Variants in TRIQK observed in about 807,000 individuals in gnomAD.
TRIQK encodes triple QxxK/R motif-containing protein.
In TRIQK, 10 loss-of-function variants were observed where a neutral mutation model predicts 10.8. The ratio of observed to expected loss-of-function variants is 0.92; its 90% CI spans 0.57 to 1.57. The LOEUF (loss-of-function observed/expected upper bound fraction) is 1.57, where lower values mean the gene tolerates loss of function less well. Among genes scored for constraint, TRIQK ranks in the 40% most tolerant of loss-of-function variants. The probability of loss-of-function intolerance (pLI) is 0.00; values close to 1 mark genes in which losing one functional copy is unlikely to be tolerated. For synonymous variants in TRIQK, 33 were observed against 33.7 expected (o/e 0.98, Z 0.07); for missense variants, 107 against 97.7 (o/e 1.09, Z -0.40).
intron 3 of TRIQK, among the ~76,000 whole-genome samples, chr8:92,897,148 A>T (rs369430926): frequency 6.6e-6 from 1 of 152,100 alleles, no homozygotes; most frequent in East Asian, 1.9e-4. Flanking sequence ...AGATAATTTG[A>T]TTAATTTCAC....
chr8:92,932,245 C>G (rs1810765162), intron 2 of TRIQK, among the ~76,000 whole-genome samples: 1 of 152,154 alleles, frequency 6.6e-6, no homozygotes, highest in Admixed American at 6.6e-5. Flanking sequence ...ACCTCATTCC[C>G]TCAAATATAT....
At chr8:92,955,921 A>G (rs1019963542) in intron 1 of TRIQK, among the ~76,000 whole-genome samples, 1 of 151,674 alleles carries the variant, frequency 6.6e-6, no homozygotes, top group East Asian at 1.9e-4. Flanking sequence ...GCAAGTGGAG[A>G]TAAGGAATGT....
At chr8:93,005,505 T>A (rs909369491) in intron 1 of TRIQK, among the ~76,000 whole-genome samples, 10 of 152,112 alleles carry the variant, frequency 6.6e-5, no homozygotes, top group African/African-American at 1.9e-4. Flanking sequence ...CAAGCATGGT[T>A]CAATATACAC....
chr8:92,899,478 C>G (rs1031213381), intron 3 of TRIQK, among the ~76,000 whole-genome samples: 1 of 152,010 alleles, frequency 6.6e-6, no homozygotes, highest in Non-Finnish European at 1.5e-5. Context: ...TTTTAGCTCC[C>G]ACAAATAAGT....
chr8:92,923,934 C>A (rs565860177), intron 2 of TRIQK, among the ~76,000 whole-genome samples: 1 of 152,042 alleles, frequency 6.6e-6, no homozygotes, highest in African/African-American at 2.4e-5. Flanking sequence ...CTGAAGCCTT[C>A]ACATATGTCT....
At chr8:92,903,602 T>C (rs1386094936) in intron 3 of TRIQK, among the ~76,000 whole-genome samples, 2 of 152,148 alleles carry the variant, frequency 1.3e-5, no homozygotes, top group Non-Finnish European at 2.9e-5. Flanking sequence ...TGTGATTCTG[T>C]TGCAGAATAA....
At chr8:93,002,230 GC>G (rs1468760326) in intron 1 of TRIQK, among the ~76,000 whole-genome samples, 1 of 151,816 alleles carries the variant, frequency 6.6e-6, no homozygotes, top group Non-Finnish European at 1.5e-5. Context: ...ATAAGTAAAA[GC>G]TAAACCCCAT....
chr8:92,921,561 G>A (rs1265919633), intron 2 of TRIQK: 1 of 151,754 alleles, frequency 6.6e-6, no homozygotes, highest in African/African-American at 2.4e-5. Context: ...GACCTCTAGG[G>A]TAACTCTGAA....
chr8:92,966,944 C>T (rs1304454154), upstream of TRIQK, among the ~76,000 whole-genome samples: 2 of 103,832 alleles, frequency 1.9e-5, no homozygotes, highest in Non-Finnish European at 3.5e-5. Flanking sequence ...CCCATCATAT[C>T]TTTTTCCAAA....
At chr8:92,897,600 T>C (rs772631724) in intron 3 of TRIQK, among the ~76,000 whole-genome samples, 2 of 152,190 alleles carry the variant, frequency 1.3e-5, no homozygotes, top group Non-Finnish European at 2.9e-5. Context: ...CGTTGACCTT[T>C]GACTTTCCAG....
At chr8:92,889,464 T>G (rs976879266) in intron 4 of TRIQK, among the ~76,000 whole-genome samples, 3 of 151,676 alleles carry the variant, frequency 2.0e-5, no homozygotes, top group Non-Finnish European at 3.0e-5. Flanking sequence ...TCAAAATTAG[T>G]AATGTTTTTA....
chr8:93,001,645 T>C (rs2130757170), intron 1 of TRIQK, among the ~76,000 whole-genome samples: 1 of 152,208 alleles, frequency 6.6e-6, no homozygotes, highest in East Asian at 1.9e-4. Context: ...AAAGCAAATA[T>C]TATTATATCT....
chr8:92,986,399 G>T (rs1392004016), intron 1 of TRIQK, among the ~76,000 whole-genome samples: 1 of 152,002 alleles, frequency 6.6e-6, no homozygotes, highest in African/African-American at 2.4e-5. Flanking sequence ...CAACCATTTG[G>T]GGAAAATATT....
chr8:92,914,631 T>TA (rs1345848026), intron 3 of TRIQK, among the ~76,000 whole-genome samples: 2 of 152,072 alleles, frequency 1.3e-5, no homozygotes, highest in Admixed American at 6.6e-5. Context: ...GACAAACAGG[T>TA]ACATGGAAAA....
At chr8:92,917,375 T>C (rs543568006) in intron 2 of TRIQK, among the ~76,000 whole-genome samples, 4 of 152,142 alleles carry the variant, frequency 2.6e-5, no homozygotes, top group South Asian at 4.1e-4. Flanking sequence ...CAAGTATATA[T>C]AGTTTGGATA....
intron 1 of TRIQK, among the ~76,000 whole-genome samples, chr8:92,991,558 G>A (rs985356863): frequency 6.6e-6 from 1 of 152,130 alleles, no homozygotes; most frequent in Non-Finnish European, 1.5e-5. Context: ...CATACTGAAT[G>A]GCCAAAAGCT....
chr8:92,943,576 G>T (rs1363921473), intron 2 of TRIQK, among the ~76,000 whole-genome samples: 1 of 152,154 alleles, frequency 6.6e-6, no homozygotes, highest in Admixed American at 6.6e-5. Flanking sequence ...AATAGAAAAA[G>T]AACAGTCTCT....
chr8:92,993,489 G>A (rs1813118671), intron 1 of TRIQK, among the ~76,000 whole-genome samples: 1 of 152,080 alleles, frequency 6.6e-6, no homozygotes, highest in Non-Finnish European at 1.5e-5. Context: ...TGATACACAG[G>A]CTAATAAGTT....
At chr8:92,947,283 C>G (rs1188964736) in intron 2 of TRIQK, among the ~76,000 whole-genome samples, 1 of 151,322 alleles carries the variant, frequency 6.6e-6, no homozygotes, top group African/African-American at 2.4e-5. Context: ...TGGACTTTAT[C>G]TTAAAGCCTT....
Sources: allele counts gnomAD v4.1 joint callset (sites outside exome capture counted in the v4.1 genomes callset), GRCh38; gene constraint gnomAD v4.1.1; transcripts MANE v1.5; gene names NCBI Gene and HGNC (gene_info 2026-07-23, HGNC 2026-07-21).